CSMD3: variants seen among roughly 807,000 people sequenced by gnomAD.
The protein encoded by CSMD3 is CUB and sushi domain-containing protein 3.
Under a neutral mutation model 435.2 loss-of-function variants are expected in CSMD3, and 177 were observed. The observed-to-expected ratio is 0.41, with a 90% CI of 0.36 to 0.46. CSMD3 has a LOEUF of 0.46. Among genes scored for constraint, CSMD3 ranks in the 20% least tolerant of loss-of-function variants. CSMD3 has a pLI of 0.34. For missense variants in CSMD3, 4,265 were observed against 4,504.6 expected (o/e 0.95, Z 1.52); for synonymous variants, 1,656 against 1,520.5 (o/e 1.09, Z -2.07).
At chr8:113,180,894 A>G (rs2131928331) in intron 3 of CSMD3, among the ~76,000 whole-genome samples, 1 of 152,116 alleles carries the variant, frequency 6.6e-6, no homozygotes, top group East Asian at 1.9e-4. Flanking sequence ...GAGTCATGTC[A>G]CAGACCTCAC....
intron 32 of CSMD3, among the ~76,000 whole-genome samples, chr8:112,412,185 T>G (rs1811422730): frequency 6.6e-6 from 1 of 152,110 alleles, no homozygotes; most frequent in Non-Finnish European, 1.5e-5. Flanking sequence ...AATTTTTGAT[T>G]TAAATATCCT....
At chr8:113,300,220 TA>T (rs2093755227) in intron 2 of CSMD3, among the ~76,000 whole-genome samples, 1 of 149,754 alleles carries the variant, frequency 6.7e-6, no homozygotes, top group African/African-American at 2.5e-5. Flanking sequence ...GGAACACATA[TA>T]TTTTTCATGA....
intron 53 of CSMD3, among the ~76,000 whole-genome samples, chr8:112,299,043 T>C (rs949192066): frequency 1.4e-4 from 22 of 152,002 alleles, no homozygotes; most frequent in Admixed American, 1.2e-3. Flanking sequence ...AAGGAACAAA[T>C]TACAGATATG....
At chr8:112,701,463 A>C (rs2076387121) in intron 13 of CSMD3, among the ~76,000 whole-genome samples, 1 of 151,904 alleles carries the variant, frequency 6.6e-6, no homozygotes, top group African/African-American at 2.4e-5. Context: ...TCATGCCCAC[A>C]CTCTTTTCTA....
intron 3 of CSMD3, among the ~76,000 whole-genome samples, chr8:113,182,359 G>A (rs2092433120): frequency 6.6e-6 from 1 of 151,956 alleles, no homozygotes; most frequent in African/African-American, 2.4e-5. Flanking sequence ...GTCAAGAGCA[G>A]TATATGCAGA....
chr8:113,262,174 T>C (rs1041131019), intron 3 of CSMD3, among the ~76,000 whole-genome samples: 4 of 152,056 alleles, frequency 2.6e-5, no homozygotes, highest in African/African-American at 7.2e-5. Flanking sequence ...ATGATTATGA[T>C]TGAAATGTTT....
At chr8:112,752,289 T>C (rs2077588003) in intron 13 of CSMD3, among the ~76,000 whole-genome samples, 1 of 152,148 alleles carries the variant, frequency 6.6e-6, no homozygotes, top group South Asian at 2.1e-4. Flanking sequence ...CAGTGCCCAA[T>C]TTCAGCCCTT....
intron 59 of CSMD3, among the ~76,000 whole-genome samples, chr8:112,273,643 G>A (rs1014257978): frequency 1.5e-4 from 23 of 149,756 alleles, no homozygotes; most frequent in African/African-American, 4.4e-4. Flanking sequence ...GGAGAATGGC[G>A]TGAACCCGGT....
At chr8:112,516,835 TA>T (rs1221615260) in intron 28 of CSMD3, among the ~76,000 whole-genome samples, 198 bp downstream of exon 28, 1 of 152,128 alleles carries the variant, frequency 6.6e-6, no homozygotes, top group Non-Finnish European at 1.5e-5. Flanking sequence ...TTGAAAAAAT[TA>T]ATGAAATCAT....
Position 112,808,640 on chromosome 8 carries a change from G to A in CSMD3, c.1860-8366C>T, listed in dbSNP as rs190391745. 6.2e-4 allele frequency among the ~76,000 whole-genome samples: 95 copies of A among 152,256 alleles called. No homozygotes were observed. The East Asian group carries it at 0.018, about 28-fold the overall frequency. On this transcript the variant is annotated intron_variant, in intron 12 of 70. Coordinates refer to ENST00000297405, the MANE Select transcript of CSMD3 (RefSeq NM_198123.2). ...GCCCCGCGTCTATCACCTTGCGATG[G>A]ATTTAAAGCCCCTGCACCTGGAACT...
At chr8:112,618,024 T>C (rs1190101819) in intron 22 of CSMD3, among the ~76,000 whole-genome samples, 2 of 152,104 alleles carry the variant, frequency 1.3e-5, no homozygotes, top group Non-Finnish European at 1.5e-5. Context: ...GAAAAAGTAA[T>C]GAAACCTGAT....
At chr8:113,230,188 T>A (rs529686364) in intron 3 of CSMD3, among the ~76,000 whole-genome samples, 39 of 151,702 alleles carry the variant, frequency 2.6e-4, no homozygotes, top group Non-Finnish European at 5.2e-4. Flanking sequence ...TTAAATAGTT[T>A]ATCTCAATTG....
chr8:112,520,914 C>G (rs889362766), intron 27 of CSMD3, among the ~76,000 whole-genome samples: 5 of 151,898 alleles, frequency 3.3e-5, no homozygotes, highest in Non-Finnish European at 7.4e-5. Context: ...ACCATCAAAT[C>G]CATCACCTCA....
intron 2 of CSMD3, chr8:113,311,132 A>G (rs1354921265): frequency 6.6e-6 from 1 of 152,012 alleles, no homozygotes; most frequent in African/African-American, 2.4e-5. Flanking sequence ...TATTCGGAAA[A>G]TATAATATTA....
intron 10 of CSMD3, among the ~76,000 whole-genome samples, chr8:112,900,993 G>C (rs148442602): frequency 4.7e-4 from 71 of 151,382 alleles, no homozygotes; most frequent in African/African-American, 1.6e-3. Flanking sequence ...AGTCTCAGGT[G>C]CACACTGTAG....
At chr8:112,562,288 A>G (rs920732921) in intron 24 of CSMD3, among the ~76,000 whole-genome samples, 1 of 151,784 alleles carries the variant, frequency 6.6e-6, no homozygotes, top group Admixed American at 6.6e-5. Context: ...AATAATTTAC[A>G]TCATTTAAAA....
chr8:112,527,748 AAC>A (rs1825120459), intron 27 of CSMD3, among the ~76,000 whole-genome samples: 1 of 152,228 alleles, frequency 6.6e-6, no homozygotes, highest in Admixed American at 6.5e-5. Flanking sequence ...GTTTATCTTT[AAC>A]ACAATCAACT....
chr8:112,339,307 C>T (rs564243759), intron 42 of CSMD3, among the ~76,000 whole-genome samples: 1 of 151,916 alleles, frequency 6.6e-6, no homozygotes, highest in South Asian at 2.1e-4. Context: ...ATCTTTGTAA[C>T]TTCACTTCAG....
chr8:112,391,442 A>T (rs1300805096), intron 35 of CSMD3, among the ~76,000 whole-genome samples: 1 of 152,152 alleles, frequency 6.6e-6, no homozygotes, highest in Non-Finnish European at 1.5e-5. Context: ...TCACGCCTGT[A>T]ATCCTACCAC....
Sources: gnomAD v4.1 joint callset for allele counts (sites outside exome capture counted in the v4.1 genomes callset) on GRCh38, gnomAD v4.1.1 for gene constraint, MANE v1.5 for transcripts, NCBI Gene and HGNC (gene_info 2026-07-23, HGNC 2026-07-21) for gene names.